TIAM1: variants seen among roughly 807,000 people sequenced by gnomAD.
TIAM1 encodes the protein rho guanine nucleotide exchange factor TIAM1.
Under a neutral mutation model 163.5 loss-of-function variants are expected in TIAM1, and 65 were observed. The observed-to-expected ratio is 0.40, with a 90% CI of 0.33 to 0.49. TIAM1 has a LOEUF of 0.49. Among genes scored for constraint, TIAM1 ranks in the 20% least tolerant of loss-of-function variants. TIAM1 has a pLI of 0.77. For missense variants in TIAM1, 1,789 were observed against 2,044.7 expected (o/e 0.87, Z 2.41); for synonymous variants, 833 against 810.1 (o/e 1.03, Z -0.48).
chr21:31,556,324 C>T (rs2048877261), intron 1 of TIAM1, among the ~76,000 whole-genome samples: 1 of 152,150 alleles, frequency 6.6e-6, no homozygotes, highest in Admixed American at 6.5e-5. Flanking sequence ...AGTCAGATTC[C>T]ACTCGGGGTA....
chr21:31,459,903 G>A lies in TIAM1; in HGVS notation c.-369+4080C>T, dbSNP rs796755027. On this transcript the variant is annotated intron_variant, in intron 2 of 28. Transcript: ENST00000286827. Reference sequence around the variant, plus strand: ...GAGCCGGATGGTGCATGGGAAAAACGGAGGCTGAGACTCTCAGCCTGAGGT... The same window carrying A: ...GAGCCGGATGGTGCATGGGAAAAACAGAGGCTGAGACTCTCAGCCTGAGGT... 1.5e-4 allele frequency among the ~76,000 whole-genome samples: 23 copies of A among 152,286 alleles called. 1 individual carries two copies. Among genetic ancestry groups the A allele is most frequent in the African/African-American group, 5.1e-4 (21 of 41,562 alleles).
intron 23 of TIAM1, among the ~76,000 whole-genome samples, chr21:31,131,191 C>T (rs1411139219): frequency 6.6e-6 from 1 of 152,090 alleles, no homozygotes; most frequent in African/African-American, 2.4e-5. Context: ...ACCTATGGCC[C>T]AAAAAACTTT....
chr21:31,349,548 C>T (rs1439958047), intron 2 of TIAM1, among the ~76,000 whole-genome samples: 2 of 152,126 alleles, frequency 1.3e-5, no homozygotes, highest in Admixed American at 6.5e-5. Context: ...CCTCCCTGCT[C>T]GGCAGCAATA....
chr21:31,555,962 G>C (rs2048863715), intron 1 of TIAM1, among the ~76,000 whole-genome samples: 1 of 152,112 alleles, frequency 6.6e-6, no homozygotes, highest in Admixed American at 6.5e-5. Context: ...AGGGGGAGGG[G>C]AGAAGAGAGG....
chr21:31,504,748 T>C (rs1184729882), intron 1 of TIAM1, among the ~76,000 whole-genome samples: 2 of 152,136 alleles, frequency 1.3e-5, no homozygotes, highest in Non-Finnish European at 2.9e-5. Flanking sequence ...CCTTTCTTCT[T>C]TGGATGTTAA....
chr21:31,375,748 G>T (rs540332643), intron 2 of TIAM1, among the ~76,000 whole-genome samples: 1 of 152,228 alleles, frequency 6.6e-6, no homozygotes, highest in Non-Finnish European at 1.5e-5. Context: ...TAGAAAAAAG[G>T]CCAGGTGTGG....
At chr21:31,458,715 T>C (rs1162867895) in intron 2 of TIAM1, among the ~76,000 whole-genome samples, 1 of 149,690 alleles carries the variant, frequency 6.7e-6, no homozygotes, top group Non-Finnish European at 1.5e-5. Flanking sequence ...CAGGTGGCCA[T>C]GAGTGCCATG....
intron 2 of TIAM1, among the ~76,000 whole-genome samples, chr21:31,335,421 A>G (rs953865621): frequency 6.6e-6 from 1 of 152,178 alleles, no homozygotes; most frequent in African/African-American, 2.4e-5. Flanking sequence ...TTAGATCAGA[A>G]ATAAACTCAA....
chr21:31,301,050 C>G (rs1190364915), intron 2 of TIAM1, among the ~76,000 whole-genome samples: 1 of 152,174 alleles, frequency 6.6e-6, no homozygotes, highest in Non-Finnish European at 1.5e-5. Flanking sequence ...GATGAAACTG[C>G]ATTGTGAATT....
chr21:31,411,828 C>T (rs757610887), intron 2 of TIAM1, among the ~76,000 whole-genome samples: 22 of 152,020 alleles, frequency 1.4e-4, no homozygotes, highest in Non-Finnish European at 1.3e-4. Flanking sequence ...GGCCTGCAGG[C>T]GGGCTATGGT....
chr21:31,320,640 T>G (rs1311771867), intron 2 of TIAM1, among the ~76,000 whole-genome samples: 2 of 152,184 alleles, frequency 1.3e-5, no homozygotes, highest in Non-Finnish European at 2.9e-5. Flanking sequence ...CACTGACCAG[T>G]GAGCAATGGT....
At chr21:31,400,287 C>T (rs1406467154) in intron 2 of TIAM1, among the ~76,000 whole-genome samples, 3 of 151,962 alleles carry the variant, frequency 2.0e-5, no homozygotes, top group Non-Finnish European at 2.9e-5. Flanking sequence ...CCACCACACC[C>T]GGCAAATTAT....
chr21:31,466,288 T>C (rs1037411851), intron 1 of TIAM1, among the ~76,000 whole-genome samples: 26 of 152,190 alleles, frequency 1.7e-4, no homozygotes, highest in South Asian at 4.2e-4. Flanking sequence ...AGAAGAGATA[T>C]TAAAGTCAGG....
intron 2 of TIAM1, among the ~76,000 whole-genome samples, chr21:31,408,347 T>C (rs1294586600): frequency 6.6e-6 from 1 of 152,184 alleles, no homozygotes; most frequent in Non-Finnish European, 1.5e-5. Context: ...CATCCTGATA[T>C]CAAGGGGACA....
chr21:31,414,884 T>C (rs542820398), intron 2 of TIAM1, among the ~76,000 whole-genome samples: 1 of 152,076 alleles, frequency 6.6e-6, no homozygotes, highest in Non-Finnish European at 1.5e-5. Context: ...CCGCCCACAA[T>C]AGGAGAAAGC....
Position 31,182,594 on chromosome 21 carries a change from G to T in TIAM1, c.2714C>A (p.Ala905Asp), listed in dbSNP as rs775553572. Residue 905 changes from alanine (A) to aspartate (D), a missense_variant, in exon 15 of 28, where the codon GCC (alanine) becomes GAC (aspartate). Physicochemically the swap from Ala to Asp is moderately radical, Grantham distance 126. Transcript: ENST00000541036. ...ATCTTTGAGCATAGAAGAGTTCAGGGCGTCAGCAGCACGATTATTGATCTC... is the reference window on the plus strand; with the variant it reads ...ATCTTTGAGCATAGAAGAGTTCAGGTCGTCAGCAGCACGATTATTGATCTC... ...ILEINNRAAD[A>D]LNSSMLKDFL... 2 of 1,613,818 alleles carry T rather than the reference G, an allele frequency of 1.2e-6. No homozygotes were observed. Among genetic ancestry groups the T allele is most frequent in the Admixed American group, 1.7e-5 (1 of 59,980 alleles).
intron 2 of TIAM1, among the ~76,000 whole-genome samples, chr21:31,453,956 C>A (rs1194879481): frequency 3.9e-5 from 6 of 152,112 alleles, no homozygotes; most frequent in Non-Finnish European, 7.4e-5. Flanking sequence ...GCTGTTATTA[C>A]CTCTTCCCAG....
chr21:31,461,178 C>T (rs368130557), intron 2 of TIAM1, among the ~76,000 whole-genome samples: 24 of 152,234 alleles, frequency 1.6e-4, no homozygotes, highest in African/African-American at 5.5e-4. Flanking sequence ...CACAGCGAAT[C>T]GGGTCTCAAA....
At chr21:31,543,517 A>C (rs2048386797) in intron 1 of TIAM1, among the ~76,000 whole-genome samples, 1 of 152,220 alleles carries the variant, frequency 6.6e-6, no homozygotes, top group South Asian at 2.1e-4. Flanking sequence ...GAAAAGAAAC[A>C]TTGTAACGAT....
Sources: allele counts gnomAD v4.1 joint callset (sites outside exome capture counted in the v4.1 genomes callset), GRCh38; gene constraint gnomAD v4.1.1; transcripts MANE v1.5; gene names NCBI Gene and HGNC (gene_info 2026-07-23, HGNC 2026-07-21).